COBL: variants seen among roughly 807,000 people sequenced by gnomAD.
COBL encodes the protein protein cordon-bleu.
COBL carries 51 observed loss-of-function variants against 98.8 expected under a neutral mutation model. The ratio of observed to expected loss-of-function variants is 0.52; its 90% CI spans 0.41 to 0.65. The LOEUF is 0.65. Ranked by LOEUF, COBL falls within the 30% of genes least tolerant of loss-of-function variation. The pLI, the probability that COBL is intolerant of heterozygous loss-of-function variation, is 0.00. For missense variants in COBL, 1,617 were observed against 1,617.5 expected, an observed-to-expected ratio of 1.00 and a Z score of 0.01; for synonymous variants, 634 against 651.7, an observed-to-expected ratio of 0.97 and a Z score of 0.41.
intron 6 of COBL, among the ~76,000 whole-genome samples, chr7:51,135,583 C>CGAG (rs1179962672): frequency 6.6e-6 from 1 of 152,214 alleles, no homozygotes; most frequent in Non-Finnish European, 1.5e-5. Flanking sequence ...CCAAGCCTCA[C>CGAG]ATTCAGGAGG....
In COBL at chr7:51,134,901, T is replaced by C. The variant is rs1012706932; in HGVS notation, c.957+1257A>G. On this transcript the variant is annotated intron_variant, in intron 6 of 12. Transcript: ENST00000265136. The stretch of plus-strand genomic sequence containing the variant: ...TTTATTTTTATGAAAACACAGCTAA[T>C]ATATCATGAAGAACTCAAAATAAGT... Among the ~76,000 whole-genome samples the C allele has an allele frequency of 2.0e-5, 3 of 152,344 alleles. No homozygotes were observed. The South Asian group carries it at 6.2e-4, about 32-fold the overall frequency.
At chr7:51,237,293 A>G (rs1291987641) in intron 1 of COBL, among the ~76,000 whole-genome samples, 1 of 149,118 alleles carries the variant, frequency 6.7e-6, no homozygotes, top group Admixed American at 6.8e-5. Context: ...ATTAGAAAAA[A>G]AACAAAGATT....
At chr7:51,263,532 A>C (rs1797907802) in intron 1 of COBL, among the ~76,000 whole-genome samples, 1 of 152,178 alleles carries the variant, frequency 6.6e-6, no homozygotes, top group Non-Finnish European at 1.5e-5. Context: ...AAAACAGAAA[A>C]AAAAGTTCTT....
At chr7:51,027,357 C>T (rs796459308) in intron 10 of COBL, among the ~76,000 whole-genome samples, 11 of 152,354 alleles carry the variant, frequency 7.2e-5, no homozygotes, top group African/African-American at 2.6e-4. Context: ...CCTGAATTTT[C>T]TCCTCTGTTC....
intron 1 of COBL, among the ~76,000 whole-genome samples, chr7:51,315,342 C>T (rs1803440166): frequency 1.3e-5 from 2 of 152,102 alleles, no homozygotes; most frequent in South Asian, 4.2e-4. Context: ...TAACCTGGCT[C>T]ACCTTTTCCT....
chr7:51,082,019 A>G (rs924614966), intron 7 of COBL, among the ~76,000 whole-genome samples: 1 of 152,178 alleles, frequency 6.6e-6, no homozygotes, highest in African/African-American at 2.4e-5. Context: ...GAAAAGAAGT[A>G]CTTGTGAAGA....
intron 1 of COBL, among the ~76,000 whole-genome samples, chr7:51,264,594 C>T (rs1798016414): frequency 6.7e-6 from 1 of 149,534 alleles, no homozygotes; most frequent in Non-Finnish European, 1.5e-5. Flanking sequence ...TCGCTTGAAC[C>T]CGGGAGGTGG....
In COBL at chr7:51,028,384, A is replaced by G. The variant is rs542798966; in HGVS notation, c.2712T>C (p.Ala904=). The G allele has an allele frequency of 5.6e-6, 9 of 1,614,276 alleles. No individual in the cohort carries two copies. The South Asian group carries it at 9.9e-5, about 18-fold the overall frequency. The change falls in exon 10 of 13, where the codon GCT becomes GCC. Residue 904 remains alanine (A), a synonymous_variant. Coordinates refer to ENST00000265136, the MANE Select transcript of COBL (RefSeq NM_015198.5). ...KGYAGKAPVL[A]APPVTVKDDR... Reference sequence around the variant, plus strand: ...CATCTTTCACAGTGACAGGTGGTGCAGCCAGCACTGGCGCCTTGCCTGCAT... The same window carrying G: ...CATCTTTCACAGTGACAGGTGGTGCGGCCAGCACTGGCGCCTTGCCTGCAT...
At chr7:51,170,533 AT>A (rs200633770) in intron 5 of COBL, among the ~76,000 whole-genome samples, 5,757 of 142,806 alleles carry the variant, frequency 0.04, 201 homozygotes, top group South Asian at 0.19. Flanking sequence ...ATATATATAA[AT>A]ATATATCACA....
Position 51,017,532 on chromosome 7 carries a change from TTCTCTGGCC to T in COBL, c.*10_*18del. On this transcript the variant is annotated 3_prime_UTR_variant, in exon 13 of 13. Coordinates refer to ENST00000265136, the MANE Select transcript of COBL (RefSeq NM_015198.5). The stretch of plus-strand genomic sequence containing the variant: ...GCATATTACAGGTGGGTTTCTGCAA[TTCTCTGGCC>T]TCTGTTCATTCACACGAGCAAGGGC... The T allele has an allele frequency of 6.2e-7, 1 of 1,613,812 alleles. No individual in the cohort carries two copies. Among genetic ancestry groups the T allele is most frequent in the Middle Eastern group, 1.7e-4 (1 of 6,058 alleles).
chr7:51,067,248 C>T (rs1441840169), intron 7 of COBL, among the ~76,000 whole-genome samples: 1 of 152,230 alleles, frequency 6.6e-6, no homozygotes, highest in East Asian at 1.9e-4. Context: ...TGAGTGCACG[C>T]ACGTGTTATG....
intron 1 of COBL, among the ~76,000 whole-genome samples, chr7:51,250,177 T>C (rs1796610984): frequency 6.6e-6 from 1 of 151,562 alleles, no homozygotes; most frequent in Non-Finnish European, 1.5e-5. Context: ...AGCCTGGTAA[T>C]CACAGCTCTG....
At chr7:51,077,898 T>TA (rs1467097898) in intron 7 of COBL, among the ~76,000 whole-genome samples, 2 of 152,200 alleles carry the variant, frequency 1.3e-5, no homozygotes, top group African/African-American at 4.8e-5. Flanking sequence ...TGCTTGGCCT[T>TA]ACTGTTTTTG....
chr7:51,018,921 T>C (rs1236518922), intron 12 of COBL, among the ~76,000 whole-genome samples: 3 of 25,978 alleles, frequency 1.2e-4, no homozygotes, highest in African/African-American at 4.0e-4. Flanking sequence ...TATATATATA[T>C]ATATATATAT....
At position 51,232,087 on chromosome 7, in the gene COBL, AGAC is replaced by A. The variant is rs1370711058; in HGVS notation, c.42-12146_42-12144del. Among the ~76,000 whole-genome samples the A allele has an allele frequency of 2.6e-5, 4 of 152,186 alleles. No homozygotes were observed. In the East Asian group the frequency reaches 7.7e-4, roughly 29 times the overall value. The stretch of plus-strand genomic sequence containing the variant: ...CTCTGAGAAATAGGACCGTTCTGGT[AGAC>A]GATGCAGAGCTGAGTGCTATGGGCT... On this transcript the variant is annotated intron_variant, in intron 1 of 12. Transcript: ENST00000265136.
At chr7:51,187,331 T>TATATATATATATATATATAC in intron 4 of COBL, among the ~76,000 whole-genome samples, 1 of 101,424 alleles carries the variant, frequency 9.9e-6, no homozygotes, top group Non-Finnish European at 2.2e-5. Flanking sequence ...TATATATATA[T>TATATATATATATATATATAC]ACACACACAC....
rs1554421096 is a variant in COBL, at chr7:51,187,331, T to TATATACAC, written c.686-3133_686-3132insGTGTATAT. 4.1e-4 allele frequency among the ~76,000 whole-genome samples: 42 copies of TATATACAC among 101,450 alleles called. No individual in the cohort carries two copies. In the East Asian group the frequency reaches 9.6e-3, roughly 23 times the overall value. 66.6% of individuals were successfully genotyped at this position (101,450 alleles called of 152,430 possible). A position where few individuals can be genotyped will look rare whatever the true frequency, so the allele number is the denominator to read the frequency against. On this transcript the variant is annotated intron_variant, in intron 4 of 12. Coordinates refer to ENST00000265136, the MANE Select transcript of COBL (RefSeq NM_015198.5). ...TTAAGTATATATATATATATATATATACACACACACACACACACACACACA... is the reference window on the plus strand; with the variant it reads ...TTAAGTATATATATATATATATATATATATACACACACACACACACACACACACACACA...
chr7:51,282,281 C>T (rs145952844), intron 1 of COBL, among the ~76,000 whole-genome samples: 60 of 152,064 alleles, frequency 3.9e-4, no homozygotes, highest in African/African-American at 1.4e-3. Context: ...ATGGTCTAAA[C>T]AATCCAACTA....
At chr7:51,133,775 A>T (rs760090688) in intron 6 of COBL, among the ~76,000 whole-genome samples, 1 of 152,236 alleles carries the variant, frequency 6.6e-6, no homozygotes, top group Non-Finnish European at 1.5e-5. Context: ...CTCTTCAAAA[A>T]ATACCTTTAG....
Sources: gnomAD v4.1 joint callset for allele counts (sites outside exome capture counted in the v4.1 genomes callset) on GRCh38, gnomAD v4.1.1 for gene constraint, MANE v1.5 for transcripts, NCBI Gene and HGNC (gene_info 2026-07-23, HGNC 2026-07-21) for gene names.